The following PPP5C variants were observed in gnomAD, a reference collection of about 807,000 sequenced individuals.
The protein encoded by PPP5C is protein phosphatase 5 catalytic subunit, also known as serine/threonine-protein phosphatase 5.
In PPP5C, 21 loss-of-function variants were observed where a neutral mutation model predicts 66.7. The ratio of observed to expected loss-of-function variants is 0.31; its 90% CI spans 0.22 to 0.45. PPP5C has a LOEUF of 0.45. Among genes scored for constraint, PPP5C ranks in the 20% least tolerant of loss-of-function variants. The pLI is 1.00. For synonymous variants in PPP5C, 246 were observed against 257.4 expected (o/e 0.96, Z 0.43); for missense variants, 464 against 675.9 (o/e 0.69, Z 3.48).
intron 1 of PPP5C, 145 bp downstream of exon 1, chr19:46,347,362 C>G: frequency 7.6e-7 from 1 of 1,313,776 alleles, no homozygotes; most frequent in Non-Finnish European, 1.0e-6. Context: ...CAGGATGGCG[C>G]TGCCAAGGAG....
At chr19:46,386,476 G>A (rs981349937) in intron 7 of PPP5C, among the ~76,000 whole-genome samples, 1 of 152,050 alleles carries the variant, frequency 6.6e-6, no homozygotes, top group Non-Finnish European at 1.5e-5. Flanking sequence ...AGCAGAGTCT[G>A]AGCAGATGCG....
intron 2 of PPP5C, among the ~76,000 whole-genome samples, chr19:46,373,745 C>T (rs1223325889): frequency 3.3e-5 from 5 of 152,276 alleles, no homozygotes; most frequent in East Asian, 3.9e-4. Context: ...GTGGACAGAC[C>T]GGTTCCGAAC....
intron 2 of PPP5C, among the ~76,000 whole-genome samples, chr19:46,370,452 G>C (rs901819907): frequency 6.6e-6 from 1 of 152,214 alleles, no homozygotes; most frequent in Non-Finnish European, 1.5e-5. Context: ...GCTGTCACAC[G>C]CATGGAGCTG....
chr19:46,374,258 G>T (rs1355925277), intron 2 of PPP5C, among the ~76,000 whole-genome samples: 1 of 152,128 alleles, frequency 6.6e-6, no homozygotes, highest in Admixed American at 6.5e-5. Context: ...CCCTGCTTCT[G>T]TCACACCAAC....
rs141914317 is a variant in PPP5C, at chr19:46,348,659, A to G, written c.121+1442A>G. Among the ~76,000 whole-genome samples the G allele has an allele frequency of 3.4e-3, 523 of 152,290 alleles. 3 individuals are homozygous for G. Among genetic ancestry groups the G allele is most frequent in the South Asian group, 0.016 (77 of 4,824 alleles). On this transcript the variant is annotated intron_variant, in intron 1 of 12. Coordinates refer to ENST00000012443, the MANE Select transcript of PPP5C (RefSeq NM_006247.4). ...TAAATGGGCCAGTCTGGACTGGAGA[A>G]GAATTTGGGTGTGATCAAACTATGG...
intron 7 of PPP5C, 66 bp downstream of exon 7, chr19:46,384,975 G>C: frequency 4.2e-6 from 5 of 1,199,410 alleles, no homozygotes; most frequent in South Asian, 1.2e-5. Context: ...CACTCTGCAA[G>C]GATAATAGTT....
Position 46,390,517 on chromosome 19 carries a change from A to G in PPP5C, c.*171A>G, listed in dbSNP as rs931677828. ...TTGCAGAGGGGGTAGGGGCAGAGTC[A>G]GGGGCTGGCCAGAGGGTCTGCTCCC... On this transcript the variant is annotated 3_prime_UTR_variant, in exon 13 of 13. Coordinates refer to ENST00000012443, the MANE Select transcript of PPP5C (RefSeq NM_006247.4). 1.3e-5 allele frequency: 19 copies of G among 1,427,658 alleles called. 1 individual carries two copies. The highest frequency in any genetic ancestry group is 5.2e-4 in the Middle Eastern group (2 of 3,816). 88.4% of individuals were successfully genotyped at this position (1,427,658 alleles called of 1,614,324 possible).
chr19:46,373,300 C>T (rs746401996), intron 2 of PPP5C, among the ~76,000 whole-genome samples: 11 of 152,246 alleles, frequency 7.2e-5, no homozygotes, highest in African/African-American at 1.9e-4. Context: ...GGCGCAGTTT[C>T]GCCTGGGAGA....
chr19:46,365,306 C>T (rs554236329), intron 2 of PPP5C, among the ~76,000 whole-genome samples: 5 of 151,058 alleles, frequency 3.3e-5, no homozygotes, highest in African/African-American at 9.7e-5. Flanking sequence ...TTAGTAGAGG[C>T]GGGGTTTCAC....
At chr19:46,364,510 C>A (rs1315245266) in intron 2 of PPP5C, among the ~76,000 whole-genome samples, 1 of 152,130 alleles carries the variant, frequency 6.6e-6, no homozygotes, top group Non-Finnish European at 1.5e-5. Flanking sequence ...CTGAAATTCA[C>A]ATCAAGGAGT....
chr19:46,347,218 G>C lies in PPP5C; in HGVS notation c.121+1G>C. On this transcript the variant is annotated splice_donor_variant, in intron 1 of 12. Transcript: ENST00000012443. LOFTEE classifies it high-confidence loss of function. ...ACTCAGGCCAATGACTACTTCAAAG[G>C]TGCGCCCGCCTGGCAGGGAGGGTGG... The C allele has an allele frequency of 6.2e-7, 1 of 1,603,334 alleles. No homozygotes were observed. The highest frequency in any genetic ancestry group is 8.5e-7 in the Non-Finnish European group (1 of 1,175,360).
chr19:46,390,198 G>A lies in PPP5C; in HGVS notation c.1437+66G>A, dbSNP rs559062381. 4.1e-5 allele frequency: 66 copies of A among 1,608,872 alleles called. No homozygotes were observed. The East Asian group carries it at 1.5e-3, about 36-fold the overall frequency. Reference sequence around the variant, plus strand: ...CTGGGGACAAGGAGGCTGAGACCCTGGTAAGGGGCAGGGGTAGGTTCTGCC... The same window carrying A: ...CTGGGGACAAGGAGGCTGAGACCCTAGTAAGGGGCAGGGGTAGGTTCTGCC... On this transcript the variant is annotated intron_variant, in intron 12 of 12. Coordinates refer to ENST00000012443, the MANE Select transcript of PPP5C (RefSeq NM_006247.4).
rs147770772 is a variant in PPP5C, at chr19:46,374,379, T to C, written c.364-1225T>C. Reference sequence around the variant, plus strand: ...GCCGGCCCTGGGACCTCCCAGTCTGTCCTCTGGCACAGGAGATACGGGGGT... The same window carrying C: ...GCCGGCCCTGGGACCTCCCAGTCTGCCCTCTGGCACAGGAGATACGGGGGT... On this transcript the variant is annotated intron_variant, in intron 2 of 12. Transcript: ENST00000012443. 5.8e-3 allele frequency among the ~76,000 whole-genome samples: 877 copies of C among 152,254 alleles called. 3 individuals are homozygous for C. Among genetic ancestry groups the C allele is most frequent in the Non-Finnish European group, 8.7e-3 (590 of 67,998 alleles).
In PPP5C at chr19:46,390,866, T is replaced by A; in HGVS notation, c.*520T>A. On this transcript the variant is annotated 3_prime_UTR_variant, in exon 13 of 13. Coordinates refer to ENST00000012443, the MANE Select transcript of PPP5C (RefSeq NM_006247.4). ...TATCGGAAGTCAGCTTGTCTCTGGA[T>A]GGTGGAGCCGAAGGAGCTGCCCGGG... The A allele has an allele frequency of 8.8e-7, 1 of 1,141,656 alleles. No homozygotes were observed. Among genetic ancestry groups the A allele is most frequent in the South Asian group, 1.9e-5 (1 of 53,230 alleles). 70.7% of individuals were successfully genotyped at this position (1,141,656 alleles called of 1,614,324 possible). A position where few individuals can be genotyped will look rare whatever the true frequency, so the allele number is the denominator to read the frequency against.
chr19:46,374,432 G>A (rs190434191), intron 2 of PPP5C, among the ~76,000 whole-genome samples: 3 of 137,632 alleles, frequency 2.2e-5, no homozygotes, highest in African/African-American at 7.9e-5. Flanking sequence ...AAGGATGGTG[G>A]GCAGGTCAGA....
At chr19:46,368,788 C>T (rs1353644651) in intron 2 of PPP5C, among the ~76,000 whole-genome samples, 2 of 152,184 alleles carry the variant, frequency 1.3e-5, no homozygotes, top group Non-Finnish European at 2.9e-5. Context: ...GCTTAGCTTC[C>T]ACTTACAAGT....
Position 46,383,969 on chromosome 19 carries a change from A to G in PPP5C, c.798+91A>G. On this transcript the variant is annotated intron_variant, in intron 6 of 12. Coordinates refer to ENST00000012443, the MANE Select transcript of PPP5C (RefSeq NM_006247.4). This position sits in a 1 kb window ranked among gnomAD's most constrained non-coding sequence, Gnocchi z 5.0. Reference sequence around the variant, plus strand: ...AGAGTGGGAGGAGCCCTTGCCAGGAAAAGACGTGACCTTGGAAAGGAGAGG... The same window carrying G: ...AGAGTGGGAGGAGCCCTTGCCAGGAGAAGACGTGACCTTGGAAAGGAGAGG... The G allele has an allele frequency of 5.4e-6, 6 of 1,100,934 alleles. No homozygotes were observed. The South Asian group carries it at 6.6e-5, about 12-fold the overall frequency. 68.2% of individuals were successfully genotyped at this position (1,100,934 alleles called of 1,614,324 possible). A position where few individuals can be genotyped will look rare whatever the true frequency, so the allele number is the denominator to read the frequency against.
chr19:46,363,269 C>T (rs1174881875), intron 2 of PPP5C, among the ~76,000 whole-genome samples: 1 of 99,770 alleles, frequency 1.0e-5, no homozygotes, highest in African/African-American at 3.9e-5. Context: ...GATCCCGCCA[C>T]TGCACTCCAG....
At chr19:46,377,527 C>T (rs1313511463) in intron 4 of PPP5C, among the ~76,000 whole-genome samples, 1 of 152,156 alleles carries the variant, frequency 6.6e-6, no homozygotes, top group African/African-American at 2.4e-5. Flanking sequence ...ATAATTAATG[C>T]ACAATAAAAT....
Sources: allele counts gnomAD v4.1 joint callset (sites outside exome capture counted in the v4.1 genomes callset), GRCh38; gene constraint gnomAD v4.1.1; non-coding constraint Gnocchi (gnomAD v3.1); transcripts MANE v1.5; gene names NCBI Gene and HGNC (gene_info 2026-07-23, HGNC 2026-07-21).